The following LTN1 variants were observed in gnomAD, a reference collection of about 807,000 sequenced individuals.
The protein encoded by LTN1 is E3 ubiquitin-protein ligase listerin.
A neutral mutation model predicts 201.2 loss-of-function variants in LTN1; 88 were observed. The observed-to-expected ratio is 0.44, with a 90% CI of 0.37 to 0.52. The LOEUF is 0.52. Ranked by LOEUF, LTN1 falls within the 20% of genes least tolerant of loss-of-function variation. LTN1 has a pLI of 0.00. For missense variants in LTN1, 1,752 were observed against 2,038.7 expected, an observed-to-expected ratio of 0.86 and a Z score of 2.71; for synonymous variants, 645 against 713.5, an observed-to-expected ratio of 0.90 and a Z score of 1.53.
intron 11 of LTN1, among the ~76,000 whole-genome samples, chr21:28,965,509 T>A (rs1984011): frequency 0.63 from 95,118 of 151,980 alleles, 31,008 homozygotes; most frequent in East Asian, 0.82. Context: ...AGCTAGAACC[T>A]CCAATCCATT....
chr21:28,960,755 T>C (rs772380179), intron 11 of LTN1, 49 bp from the exon 12 acceptor site: 7 of 1,285,218 alleles, frequency 5.4e-6, no homozygotes, highest in Non-Finnish European at 7.8e-6. Context: ...TCAAATACTC[T>C]CTCTGTCCAA....
chr21:28,958,616 C>A, intron 13 of LTN1, 77 bp from the exon 14 acceptor site: 1 of 1,062,354 alleles, frequency 9.4e-7, no homozygotes, highest in South Asian at 1.7e-5. Context: ...TGAAACAACT[C>A]TACAGATCTG....
intron 25 of LTN1, among the ~76,000 whole-genome samples, chr21:28,938,084 T>A (rs939534862): frequency 6.6e-6 from 1 of 151,988 alleles, no homozygotes; most frequent in Non-Finnish European, 1.5e-5. Context: ...TTAAAGAAAC[T>A]AAAGAAATAT....
chr21:28,936,806 T>C (rs1479851081), intron 25 of LTN1, 109 bp from the exon 26 acceptor site: 3 of 739,370 alleles, frequency 4.1e-6, no homozygotes, highest in Non-Finnish European at 6.8e-6. Flanking sequence ...CTAGCAGACA[T>C]TCTATCCCCT....
At chr21:28,950,970 T>C (rs1028595644) in intron 18 of LTN1, among the ~76,000 whole-genome samples, 30 of 152,292 alleles carry the variant, frequency 2.0e-4, no homozygotes, top group Admixed American at 3.3e-4. Flanking sequence ...GTTCTGGACT[T>C]GACTGTGGTG....
chr21:28,941,442 T>G (rs369565983), intron 24 of LTN1, 36 bp from the exon 25 acceptor site: 168 of 1,453,756 alleles, frequency 1.2e-4, no homozygotes, highest in Non-Finnish European at 2.2e-5. Context: ...AAGTTTTCTT[T>G]ATAATTCATT....
chr21:28,949,612 T>A (rs181932817), intron 18 of LTN1, among the ~76,000 whole-genome samples: 3 of 152,310 alleles, frequency 2.0e-5, no homozygotes, highest in Admixed American at 2.0e-4. Context: ...GTAACTGGCT[T>A]ATTTCACTCA....
At chr21:28,934,342 T>C (rs1414618043) in intron 27 of LTN1, among the ~76,000 whole-genome samples, 2 of 152,324 alleles carry the variant, frequency 1.3e-5, no homozygotes, top group African/African-American at 2.4e-5. Context: ...TTTGGATCTG[T>C]ATCCCCGCTC....
At chr21:28,972,433 T>C (rs1027803328) in intron 6 of LTN1, among the ~76,000 whole-genome samples, 1 of 124,152 alleles carries the variant, frequency 8.1e-6, no homozygotes, top group African/African-American at 3.1e-5. Flanking sequence ...AATGGCGTAA[T>C]ATAGTCGGCC....
At chr21:28,978,957 G>A (rs2084637430) in intron 6 of LTN1, among the ~76,000 whole-genome samples, 3 of 152,202 alleles carry the variant, frequency 2.0e-5, no homozygotes, top group Non-Finnish European at 4.4e-5. Flanking sequence ...TTAAGCAGCT[G>A]AATGTTGCCT....
At chr21:28,987,665 A>G (rs1424079989) in intron 1 of LTN1, among the ~76,000 whole-genome samples, 1 of 152,224 alleles carries the variant, frequency 6.6e-6, no homozygotes. Context: ...TCTTCTACTA[A>G]AAGGAGGTGA....
intron 17 of LTN1, 132 bp from the exon 18 acceptor site, chr21:28,952,396 C>A: frequency 1.9e-6 from 1 of 533,702 alleles, no homozygotes; most frequent in Non-Finnish European, 3.3e-6. Context: ...TCACCTAAGA[C>A]TTTGCACCCA....
At chr21:28,976,730 G>A (rs889214940) in intron 6 of LTN1, among the ~76,000 whole-genome samples, 5 of 152,044 alleles carry the variant, frequency 3.3e-5, no homozygotes, top group African/African-American at 7.2e-5. Flanking sequence ...CTAGTTAGAC[G>A]TTTTTGAGAA....
chr21:28,987,025 T>C, intron 1 of LTN1, 91 bp from the exon 2 acceptor site: 1 of 764,924 alleles, frequency 1.3e-6, no homozygotes, highest in East Asian at 2.7e-5. Context: ...ATGGTCAGAA[T>C]GAGCTTTTAT....
At position 28,958,432 on chromosome 21, in the gene LTN1, G is replaced by C; in HGVS notation, c.2701C>G (p.Leu901Val). ...GCCTGAACTTGGTTCTTCAGCCACA[G>C]AGCAGACAAATGTAGGAAGGTACTC... ...KESTFLHLSA[L>V]WLKNQVQASS... Residue 901 changes from leucine to valine, a missense_variant, in exon 14 of 30, where the codon CTG becomes GTG. Transcript: ENST00000361371. The C allele has an allele frequency of 1.2e-6, 2 of 1,610,326 alleles. No individual in the cohort carries two copies. Among genetic ancestry groups the C allele is most frequent in the East Asian group, 2.2e-5 (1 of 44,540 alleles).
chr21:28,965,583 A>T (rs1410641373), intron 11 of LTN1, among the ~76,000 whole-genome samples: 2 of 152,214 alleles, frequency 1.3e-5, no homozygotes, highest in Non-Finnish European at 2.9e-5. Flanking sequence ...AAAGATAATA[A>T]AATGTTTAAA....
At position 28,964,499 on chromosome 21, in the gene LTN1, A is replaced by T. The variant is rs553990755; in HGVS notation, c.2163+1366T>A. The stretch of plus-strand genomic sequence containing the variant: ...GCACACTTAATAGACTGTAGTGTAC[A>T]CATAACTTTTATATGCACTGGCAAT... On this transcript the variant is annotated intron_variant, in intron 11 of 29. Transcript: ENST00000361371. 5 of 1,332,566 alleles carry T rather than the reference A, an allele frequency of 3.8e-6. No individual in the cohort carries two copies. In the African/African-American group the frequency reaches 7.4e-5, roughly 20 times the overall value. 82.5% of individuals were successfully genotyped at this position (1,332,566 alleles called of 1,614,324 possible).
At chr21:28,980,702 A>C (rs2084651946) in intron 6 of LTN1, among the ~76,000 whole-genome samples, 1 of 152,206 alleles carries the variant, frequency 6.6e-6, no homozygotes, top group South Asian at 2.1e-4. Context: ...GTCAGTATTC[A>C]TGATGAGTTT....
intron 12 of LTN1, among the ~76,000 whole-genome samples, chr21:28,960,188 G>A (rs766220158): frequency 2.0e-5 from 3 of 151,880 alleles, no homozygotes; most frequent in East Asian, 1.9e-4. Flanking sequence ...CCAACACAGC[G>A]AAACCCCGTC....
Sources: gnomAD v4.1 joint callset for allele counts (sites outside exome capture counted in the v4.1 genomes callset) on GRCh38, gnomAD v4.1.1 for gene constraint, MANE v1.5 for transcripts, NCBI Gene and HGNC (gene_info 2026-07-23, HGNC 2026-07-21) for gene names.